ASMTL: variants seen among roughly 807,000 people sequenced by gnomAD.
The protein encoded by ASMTL is acetylserotonin O-methyltransferase like, also known as probable bifunctional dTTP/UTP pyrophosphatase/methyltransferase protein.
A neutral mutation model predicts 60.3 loss-of-function variants in ASMTL; 57 were observed. The ratio of observed to expected loss-of-function variants is 0.95; its 90% confidence interval spans 0.76 to 1.18. ASMTL has a LOEUF of 1.18. Ranked by LOEUF, ASMTL falls within the 50% of genes most tolerant of loss-of-function variation. The pLI is 0.00. For synonymous variants in ASMTL, 419 were observed against 373.0 expected (o/e 1.12, Z -1.42); for missense variants, 981 against 852.6 (o/e 1.15, Z -1.88).
chrX:1,436,875 T>G (rs1484808597), intron 3 of ASMTL, among the ~76,000 whole-genome samples: 1 of 152,250 alleles, frequency 6.6e-6, no homozygotes, highest in African/African-American at 2.4e-5. Flanking sequence ...TGGGCCACCA[T>G]AGCAAAGTCC....
chrX:1,412,917 G>C, intron 11 of ASMTL, 63 bp from the exon 12 acceptor site: 1 of 1,591,764 alleles, frequency 6.3e-7, no homozygotes, highest in Admixed American at 1.7e-5. Context: ...TCCCCGGACA[G>C]ATCCTGGGAC....
At chrX:1,408,182 G>T (rs1363503804) in intron 12 of ASMTL, among the ~76,000 whole-genome samples, 1 of 73,630 alleles carries the variant, frequency 1.4e-5, no homozygotes, top group African/African-American at 3.9e-5. Context: ...GCCAAATGCT[G>T]GTACTCCCAA....
In ASMTL at chrX:1,438,939, C is replaced by G. The variant is rs2091041171; in HGVS notation, c.273+158G>C. Reference sequence around the variant, plus strand: ...ACGGCGCCTGGCCCCTTCCCGTGCCCTTAGGCCCCTCATCTGCTGGTAGTT... The same window carrying G: ...ACGGCGCCTGGCCCCTTCCCGTGCCGTTAGGCCCCTCATCTGCTGGTAGTT... On this transcript the variant is annotated intron_variant, in intron 3 of 12. Coordinates refer to ENST00000381317, the MANE Select transcript of ASMTL (RefSeq NM_004192.4). 4 of 313,734 alleles carry G rather than the reference C, an allele frequency of 1.3e-5. No homozygotes were observed. The South Asian group carries it at 3.8e-4, about 30-fold the overall frequency. 19.4% of individuals were successfully genotyped at this position (313,734 alleles called of 1,614,324 possible).
At chrX:1,426,003 C>T (rs1304138284) in intron 7 of ASMTL, among the ~76,000 whole-genome samples, 1 of 152,156 alleles carries the variant, frequency 6.6e-6, no homozygotes, top group Non-Finnish European at 1.5e-5. Context: ...CAGGATGTGA[C>T]TGTATTTGTA....
chrX:1,435,001 C>T (rs202058950), intron 5 of ASMTL, 21 bp downstream of exon 5: 63 of 1,613,440 alleles, frequency 3.9e-5, no homozygotes, highest in East Asian at 4.5e-5. Context: ...GGGGCTACCC[C>T]GAAACCTGGG....
chrX:1,430,075 C>T (rs2090728003), intron 6 of ASMTL, among the ~76,000 whole-genome samples: 1 of 151,474 alleles, frequency 6.6e-6, no homozygotes, highest in African/African-American at 2.4e-5. Flanking sequence ...AGTGCAGTGG[C>T]GCGATCTCGG....
chrX:1,416,838 C>G (rs775299365), intron 11 of ASMTL, among the ~76,000 whole-genome samples: 1 of 151,354 alleles, frequency 6.6e-6, no homozygotes, highest in Non-Finnish European at 1.5e-5. Flanking sequence ...GATGGGCACA[C>G]AGACATGCAC....
intron 9 of ASMTL, among the ~76,000 whole-genome samples, chrX:1,421,227 A>G (rs5948850): frequency 0.94 from 143,134 of 152,032 alleles, 67,780 homozygotes; most frequent in East Asian, 1. Flanking sequence ...GGCCTCCCAA[A>G]CTAGCTGGGA....
intron 11 of ASMTL, among the ~76,000 whole-genome samples, chrX:1,414,950 A>T (rs768292843): frequency 0.014 from 1,907 of 139,054 alleles, 69 homozygotes; most frequent in African/African-American, 0.047. Context: ...TTATTTTTTT[A>T]TTTTTTTTGA....
At chrX:1,439,589 G>C (rs1276521392) in intron 2 of ASMTL, among the ~76,000 whole-genome samples, 3 of 152,164 alleles carry the variant, frequency 2.0e-5, no homozygotes, top group African/African-American at 4.8e-5. Flanking sequence ...GCTCACGCCT[G>C]TCATCCCAGC....
intron 4 of ASMTL, 171 bp downstream of exon 4, chrX:1,435,523 G>A (rs1454282980): frequency 1.6e-5 from 11 of 678,726 alleles, no homozygotes; most frequent in Non-Finnish European, 2.7e-5. Flanking sequence ...GATGAGCATG[G>A]AGGGATAGTG....
intron 1 of ASMTL, among the ~76,000 whole-genome samples, chrX:1,443,928 CA>C (rs1196543034): frequency 2.6e-5 from 4 of 152,258 alleles, no homozygotes; most frequent in Non-Finnish European, 5.9e-5. Flanking sequence ...CTTGGACAGA[CA>C]CCCCCGTCTT....
At chrX:1,435,473 T>C (rs2090936475) in intron 4 of ASMTL, 2 of 630,922 alleles carry the variant, frequency 3.2e-6, no homozygotes. Flanking sequence ...GCAGTGGGCA[T>C]GAGACATTCT....
intron 11 of ASMTL, among the ~76,000 whole-genome samples, chrX:1,414,987 C>G (rs1445969107): frequency 1.3e-5 from 2 of 152,000 alleles, no homozygotes; most frequent in Admixed American, 6.6e-5. Context: ...GTTGCCCAGG[C>G]TGGAGTGCAG....
At chrX:1,407,801 G>T (rs1176731785) in intron 12 of ASMTL, among the ~76,000 whole-genome samples, 4 of 151,520 alleles carry the variant, frequency 2.6e-5, no homozygotes, top group African/African-American at 9.8e-5. Context: ...AGACAGAGAA[G>T]ATAAAGGAGG....
At chrX:1,403,660 A>G in intron 12 of ASMTL, 171 bp from the exon 13 acceptor site, 1 of 622,206 alleles carries the variant, frequency 1.6e-6, no homozygotes. Context: ...CAGAGACTTG[A>G]TGCAGGGCGG....
rs1261308019 is a variant in ASMTL, at chrX:1,416,852, CAG to C, written c.1522+1119_1522+1120del. Among the ~76,000 whole-genome samples the C allele has an allele frequency of 1.8e-3, 279 of 151,338 alleles. 1 individual carries two copies. The highest frequency in any genetic ancestry group is 8.4e-3 in the Admixed American group (128 of 15,180). ...AGATGGGCACACAGACATGCACACA[CAG>C]ACATGTACACATATATCCACAGACA... is the stretch of plus-strand genomic sequence containing the variant. On this transcript the variant is annotated intron_variant, in intron 11 of 12. Transcript: ENST00000381317.
chrX:1,420,201 C>T, intron 9 of ASMTL, among the ~76,000 whole-genome samples: 1 of 151,904 alleles, frequency 6.6e-6, no homozygotes, highest in Non-Finnish European at 1.5e-5. Flanking sequence ...CTCAAGTCTC[C>T]CTGTCTCTCC....
At chrX:1,442,130 T>A (rs1437179879) in intron 2 of ASMTL, 56 bp downstream of exon 2, 1 of 1,589,232 alleles carries the variant, frequency 6.3e-7, no homozygotes, top group African/African-American at 1.4e-5. Context: ...CACCCGCAAA[T>A]CCCCTCATCA....
Sources: gnomAD v4.1 joint callset for allele counts (sites outside exome capture counted in the v4.1 genomes callset) on GRCh38, gnomAD v4.1.1 for gene constraint, MANE v1.5 for transcripts, NCBI Gene and HGNC (gene_info 2026-07-23, HGNC 2026-07-21) for gene names.